The following TAFA4 variants were observed in gnomAD, a reference collection of about 807,000 sequenced individuals.
TAFA4 encodes the protein TAFA chemokine like family member 4.
In TAFA4, 20 loss-of-function variants were observed where a neutral mutation model predicts 21.1. That is an observed-to-expected ratio of 0.95 (90% CI 0.67 to 1.38). The LOEUF (loss-of-function observed/expected upper bound fraction) is 1.38. Ranked by LOEUF, TAFA4 falls within the 40% of genes most tolerant of loss-of-function variation. The pLI is 0.00. For synonymous variants in TAFA4, 71 were observed against 67.4 expected (o/e 1.05, Z -0.26); for missense variants, 211 against 180.9 (o/e 1.17, Z -0.95).
chr3:68,841,148 C>A (rs1704653373), intron 3 of TAFA4, among the ~76,000 whole-genome samples: 1 of 76,652 alleles, frequency 1.3e-5, no homozygotes, highest in South Asian at 4.2e-4. Context: ...ACGGTGAAAC[C>A]CCGTCTCTAC....
chr3:68,910,012 T>C (rs7643823), intron 1 of TAFA4, among the ~76,000 whole-genome samples: 146,335 of 152,230 alleles, frequency 0.96, 70,612 homozygotes, highest in East Asian at 1. Flanking sequence ...GGGTTTTTGC[T>C]GGCTCTAAGC....
At chr3:68,828,997 G>A (rs770150362) in intron 3 of TAFA4, among the ~76,000 whole-genome samples, 2 of 152,080 alleles carry the variant, frequency 1.3e-5, no homozygotes, top group Non-Finnish European at 2.9e-5. Context: ...CATTCAGTAT[G>A]ATATTGGCAG....
At chr3:68,770,452 A>T (rs1702932112) in intron 3 of TAFA4, among the ~76,000 whole-genome samples, 1 of 152,226 alleles carries the variant, frequency 6.6e-6, no homozygotes, top group African/African-American at 2.4e-5. Flanking sequence ...TTTCTGAAAT[A>T]AGCAAAGGCT....
intron 3 of TAFA4, among the ~76,000 whole-genome samples, chr3:68,877,900 CT>C (rs2089570649): frequency 6.6e-6 from 1 of 152,148 alleles, no homozygotes; most frequent in African/African-American, 2.4e-5. Flanking sequence ...ATCCCTTCAC[CT>C]ATTTTTCCTT....
chr3:68,791,001 T>C (rs185697633), intron 3 of TAFA4, among the ~76,000 whole-genome samples: 10 of 152,210 alleles, frequency 6.6e-5, no homozygotes, highest in Non-Finnish European at 1.0e-4. Context: ...GGAAGAAACA[T>C]GGTAAAGAAC....
intron 1 of TAFA4, among the ~76,000 whole-genome samples, chr3:68,907,750 G>A (rs973026280): frequency 6.6e-6 from 1 of 152,208 alleles, no homozygotes; most frequent in Admixed American, 6.5e-5. Flanking sequence ...CTCATGGCAT[G>A]AAGTCTGAAG....
chr3:68,764,340 A>G (rs897593205), intron 3 of TAFA4, among the ~76,000 whole-genome samples: 5 of 152,184 alleles, frequency 3.3e-5, no homozygotes, highest in Admixed American at 1.3e-4. Flanking sequence ...TCCAAGATCA[A>G]CAACTTCTTG....
intron 3 of TAFA4, among the ~76,000 whole-genome samples, chr3:68,753,337 T>G (rs1413964215): frequency 6.1e-5 from 9 of 146,918 alleles, no homozygotes; most frequent in Non-Finnish European, 1.3e-4. Context: ...TGATAGAGTT[T>G]TTTTTTTTTT....
intron 1 of TAFA4, chr3:68,913,632 T>C (rs886568753): frequency 5.3e-5 from 8 of 152,254 alleles, no homozygotes; most frequent in African/African-American, 1.9e-4. Context: ...AGTCGTGAGC[T>C]GCTGGTATTC....
At chr3:68,755,701 C>A (rs1431794118) in intron 3 of TAFA4, among the ~76,000 whole-genome samples, 1 of 152,198 alleles carries the variant, frequency 6.6e-6, no homozygotes, top group African/African-American at 2.4e-5. Context: ...GAAACCCTGG[C>A]ATGAGCAGCC....
At chr3:68,886,530 C>CA (rs2089673751) in intron 1 of TAFA4, among the ~76,000 whole-genome samples, 1 of 152,104 alleles carries the variant, frequency 6.6e-6, no homozygotes. Context: ...TATTGGAAAC[C>CA]AAAATGACCT....
chr3:68,930,149 A>G (rs1379032115), intron 1 of TAFA4, among the ~76,000 whole-genome samples: 1 of 152,202 alleles, frequency 6.6e-6, no homozygotes, highest in East Asian at 1.9e-4. Context: ...TTCTTTTTTA[A>G]TTACTAAATG....
chr3:68,896,970 C>G (rs2089796692), intron 1 of TAFA4, among the ~76,000 whole-genome samples: 1 of 152,224 alleles, frequency 6.6e-6, no homozygotes, highest in Non-Finnish European at 1.5e-5. Context: ...ATGGCGCGAT[C>G]TTGGCTCCCT....
At chr3:68,740,012 C>T (rs1702320492) in intron 4 of TAFA4, among the ~76,000 whole-genome samples, 1 of 152,152 alleles carries the variant, frequency 6.6e-6, no homozygotes, top group Non-Finnish European at 1.5e-5. Flanking sequence ...CAGTGGACTG[C>T]CCAATTGTAA....
intron 3 of TAFA4, among the ~76,000 whole-genome samples, chr3:68,797,827 G>C (rs1171481321): frequency 6.6e-6 from 1 of 152,062 alleles, no homozygotes; most frequent in Non-Finnish European, 1.5e-5. Flanking sequence ...TTATTTAATG[G>C]GTACAGAGTT....
intron 3 of TAFA4, among the ~76,000 whole-genome samples, chr3:68,755,640 T>G (rs1055629668): frequency 2.0e-5 from 3 of 152,106 alleles, no homozygotes; most frequent in African/African-American, 4.8e-5. Flanking sequence ...GTTTGTCAAG[T>G]CCAAAATTAG....
intron 3 of TAFA4, among the ~76,000 whole-genome samples, chr3:68,841,435 T>C (rs1704664222): frequency 6.6e-6 from 1 of 152,218 alleles, no homozygotes. Flanking sequence ...TTACCTTCTT[T>C]CCTGACAGGA....
At chr3:68,747,619 C>T (rs1011617642) in intron 4 of TAFA4, among the ~76,000 whole-genome samples, 1 of 152,144 alleles carries the variant, frequency 6.6e-6, no homozygotes, top group African/African-American at 2.4e-5. Flanking sequence ...TCTTTATTAG[C>T]AGCGTGAGAC....
chr3:68,813,413 G>A (rs1188554226), intron 3 of TAFA4, among the ~76,000 whole-genome samples: 1 of 152,018 alleles, frequency 6.6e-6, no homozygotes, highest in Non-Finnish European at 1.5e-5. Flanking sequence ...AAAATTGATA[G>A]ACCACTAGCA....
Sources: allele counts gnomAD v4.1 joint callset (sites outside exome capture counted in the v4.1 genomes callset), GRCh38; gene constraint gnomAD v4.1.1; transcripts MANE v1.5; gene names NCBI Gene and HGNC (gene_info 2026-07-23, HGNC 2026-07-21).